The following PTPRD variants were observed in gnomAD, a reference collection of about 807,000 sequenced individuals.
PTPRD encodes receptor-type tyrosine-protein phosphatase delta.
In PTPRD, 34 loss-of-function variants were observed where a neutral mutation model predicts 214.5. The observed-to-expected ratio is 0.16, with a 90% confidence interval of 0.12 to 0.21. The LOEUF (loss-of-function observed/expected upper bound fraction) is 0.21. Ranked by LOEUF, PTPRD falls within the 10% of genes least tolerant of loss-of-function variation. PTPRD has a pLI of 1.00. For missense variants in PTPRD, 2,545 were observed against 2,398.7 expected (o/e 1.06, Z -1.27); for synonymous variants, 1,128 against 845.7 (o/e 1.33, Z -5.79).
intron 3 of PTPRD, among the ~76,000 whole-genome samples, chr9:10,258,059 T>A (rs2093417026): frequency 6.6e-6 from 1 of 152,036 alleles, no homozygotes. Flanking sequence ...AGTGAGTCAG[T>A]CGGTAGATTT....
chr9:9,661,117 G>T (rs566401084), intron 7 of PTPRD, among the ~76,000 whole-genome samples: 9 of 151,858 alleles, frequency 5.9e-5, no homozygotes, highest in Non-Finnish European at 1.0e-4. Flanking sequence ...CTATGTGGGG[G>T]TCTAAATTAA....
intron 10 of PTPRD, among the ~76,000 whole-genome samples, chr9:9,102,545 A>G (rs1349805524): frequency 2.0e-5 from 3 of 152,354 alleles, no homozygotes; most frequent in Middle Eastern, 3.4e-3. Context: ...ATCACCATCA[A>G]TCAGAAAGAT....
intron 11 of PTPRD, among the ~76,000 whole-genome samples, chr9:8,839,001 T>G (rs905501660): frequency 2.0e-5 from 3 of 152,278 alleles, no homozygotes; most frequent in African/African-American, 7.2e-5. Flanking sequence ...GACTCATAAA[T>G]GTACCAAGAC....
intron 2 of PTPRD, among the ~76,000 whole-genome samples, chr9:10,605,580 C>G (rs966135269): frequency 6.6e-6 from 1 of 151,530 alleles, no homozygotes; most frequent in Non-Finnish European, 1.5e-5. Flanking sequence ...CAGCTTCCAC[C>G]TAGGTTCTAA....
At chr9:10,608,655 C>T (rs1441333526) in intron 2 of PTPRD, among the ~76,000 whole-genome samples, 1 of 152,100 alleles carries the variant, frequency 6.6e-6, no homozygotes, top group Non-Finnish European at 1.5e-5. Flanking sequence ...GACAGAGGTA[C>T]AGAGAGTCCA....
At chr9:10,321,378 T>A (rs1011289046) in intron 3 of PTPRD, among the ~76,000 whole-genome samples, 9 of 151,902 alleles carry the variant, frequency 5.9e-5, no homozygotes, top group Non-Finnish European at 1.3e-4. Flanking sequence ...GAGGAAAGAA[T>A]TGTAAATGCA....
intron 43 of PTPRD, among the ~76,000 whole-genome samples, chr9:8,337,629 G>C (rs1334736547): frequency 5.9e-5 from 9 of 151,462 alleles, no homozygotes. Flanking sequence ...AAATGTAGTA[G>C]CTAAGAAAAT....
intron 10 of PTPRD, among the ~76,000 whole-genome samples, chr9:9,158,961 A>C (rs1352115374): frequency 1.3e-5 from 2 of 152,154 alleles, no homozygotes; most frequent in Non-Finnish European, 1.5e-5. Flanking sequence ...ACAAAAACCA[A>C]ATTATCGTCC....
chr9:9,922,681 T>G (rs541387314), intron 5 of PTPRD, among the ~76,000 whole-genome samples: 16 of 152,120 alleles, frequency 1.1e-4, no homozygotes, highest in African/African-American at 3.1e-4. Flanking sequence ...ACAAAAAAGT[T>G]ATTGGAAAAG....
At chr9:10,447,002 A>G (rs1275839957) in intron 2 of PTPRD, among the ~76,000 whole-genome samples, 1 of 152,166 alleles carries the variant, frequency 6.6e-6, no homozygotes, top group African/African-American at 2.4e-5. Flanking sequence ...ATACTCTGAT[A>G]AACCTAGGCA....
At chr9:8,485,651 G>C (rs2096985479) in intron 28 of PTPRD, 111 bp downstream of exon 28, 1 of 976,982 alleles carries the variant, frequency 1.0e-6, no homozygotes, top group Non-Finnish European at 1.5e-6. Context: ...TTTTGTTTTT[G>C]CTGAACCTAT....
At chr9:10,256,481 C>A (rs551047858) in intron 3 of PTPRD, among the ~76,000 whole-genome samples, 1 of 151,700 alleles carries the variant, frequency 6.6e-6, no homozygotes, top group East Asian at 1.9e-4. Flanking sequence ...AATTTTAGCT[C>A]CATTATAATC....
At chr9:10,107,469 G>A (rs531362962) in intron 3 of PTPRD, among the ~76,000 whole-genome samples, 3 of 152,156 alleles carry the variant, frequency 2.0e-5, no homozygotes, top group South Asian at 4.2e-4. Context: ...GACCCCCAGA[G>A]TTTATTGATT....
chr9:9,966,234 C>T (rs578215333), intron 4 of PTPRD, among the ~76,000 whole-genome samples: 4 of 152,102 alleles, frequency 2.6e-5, no homozygotes, highest in Admixed American at 2.6e-4. Flanking sequence ...AAGATTTATT[C>T]TCAACTTCTA....
chr9:9,447,952 T>C (rs931232029), intron 8 of PTPRD, among the ~76,000 whole-genome samples: 92 of 152,070 alleles, frequency 6.0e-4, no homozygotes, highest in African/African-American at 2.1e-3. Flanking sequence ...CCAGGCCACA[T>C]AGTCTTACAG....
chr9:10,444,097 T>C (rs1478308092), intron 2 of PTPRD, among the ~76,000 whole-genome samples: 2 of 151,722 alleles, frequency 1.3e-5, no homozygotes, highest in Non-Finnish European at 1.5e-5. Context: ...TCAACATGCT[T>C]ACATTTCTGT....
chr9:10,511,480 T>A (rs1402799903), intron 2 of PTPRD, among the ~76,000 whole-genome samples: 1 of 152,008 alleles, frequency 6.6e-6, no homozygotes, highest in East Asian at 1.9e-4. Flanking sequence ...CTTGGCTCAC[T>A]GCAACTTCTG....
Position 8,474,060 on chromosome 9 carries a change from CT to C in PTPRD, c.3414-2976del, listed in dbSNP as rs762426487. 4.6e-5 allele frequency among the ~76,000 whole-genome samples: 7 copies of C among 152,150 alleles called. No homozygotes were observed. In the East Asian group the frequency reaches 9.7e-4, roughly 21 times the overall value. ...CTGAGGGTACTGCTTCCTTTGCAGC[CT>C]TCTCATATGGCAGCTGTGGATCTAT... On this transcript the variant is annotated intron_variant, in intron 30 of 45. Coordinates refer to ENST00000381196, the MANE Select transcript of PTPRD (RefSeq NM_002839.4).
intron 2 of PTPRD, among the ~76,000 whole-genome samples, chr9:10,449,220 T>G (rs375564673): frequency 0.014 from 2,160 of 152,014 alleles, 73 homozygotes; most frequent in African/African-American, 0.047. Context: ...TTGTATTTTT[T>G]GGTGGAGACG....
Sources: allele counts gnomAD v4.1 joint callset (sites outside exome capture counted in the v4.1 genomes callset), GRCh38; gene constraint gnomAD v4.1.1; transcripts MANE v1.5; gene names NCBI Gene and HGNC (gene_info 2026-07-23, HGNC 2026-07-21).